EYS: variants seen among roughly 807,000 people sequenced by gnomAD.
The protein encoded by EYS is EGF-like photoreceptor maintenance factor, also known as protein eyes shut homolog.
EYS carries 250 observed loss-of-function variants against 282.1 expected under a neutral mutation model. The ratio of observed to expected loss-of-function variants is 0.89; its 90% CI spans 0.80 to 0.98. The LOEUF (loss-of-function observed/expected upper bound fraction) is 0.98. Ranked by LOEUF, EYS falls within the 50% of genes least tolerant of loss-of-function variation. The pLI, the probability that EYS is intolerant of heterozygous loss-of-function variation, is 0.00. For missense variants in EYS, 4,016 were observed against 3,709.0 expected, an observed-to-expected ratio of 1.08 and a Z score of -2.15; for synonymous variants, 1,355 against 1,282.9, an observed-to-expected ratio of 1.06 and a Z score of -1.20.
At chr6:63,968,880 C>T (rs1341748285) in intron 35 of EYS, among the ~76,000 whole-genome samples, 1 of 152,094 alleles carries the variant, frequency 6.6e-6, no homozygotes, top group Non-Finnish European at 1.5e-5. Flanking sequence ...TAATGCAAAT[C>T]CAAAAGGAGA....
chr6:63,873,453 A>C (rs535626790), intron 35 of EYS, among the ~76,000 whole-genome samples: 78 of 152,192 alleles, frequency 5.1e-4, no homozygotes, highest in African/African-American at 1.8e-3. Flanking sequence ...AATAGTGCTG[A>C]AATAAACATA....
At chr6:64,842,399 G>T (rs1030833695) in intron 19 of EYS, among the ~76,000 whole-genome samples, 2 of 151,706 alleles carry the variant, frequency 1.3e-5, no homozygotes, top group African/African-American at 4.8e-5. Context: ...CCATAATTCC[G>T]TGTTGTGGGA....
At chr6:64,762,175 A>C (rs1286086681) in intron 22 of EYS, among the ~76,000 whole-genome samples, 2 of 152,212 alleles carry the variant, frequency 1.3e-5, no homozygotes, top group African/African-American at 4.8e-5. Flanking sequence ...AGACCATATA[A>C]AATTAGTAGC....
intron 29 of EYS, among the ~76,000 whole-genome samples, chr6:64,334,515 T>C (rs1233624864): frequency 3.9e-5 from 6 of 152,150 alleles, no homozygotes; most frequent in Non-Finnish European, 7.3e-5. Context: ...TCAAATACTA[T>C]GGACTGGCCA....
chr6:65,257,970 A>C (rs1767515934), intron 12 of EYS, among the ~76,000 whole-genome samples: 1 of 152,028 alleles, frequency 6.6e-6, no homozygotes, highest in South Asian at 2.1e-4. Context: ...ATTATTGTAC[A>C]TTTTATAAAA....
chr6:64,278,247 A>G (rs1357352388), intron 30 of EYS, among the ~76,000 whole-genome samples: 1 of 152,186 alleles, frequency 6.6e-6, no homozygotes, highest in African/African-American at 2.4e-5. Flanking sequence ...GTAACTGCTA[A>G]ATGTTCCTTT....
intron 37 of EYS, among the ~76,000 whole-genome samples, chr6:63,796,537 C>T (rs1369253204): frequency 6.6e-6 from 1 of 152,026 alleles, no homozygotes; most frequent in African/African-American, 2.4e-5. Flanking sequence ...GAAGGAAAGA[C>T]TTAATAGTAA....
intron 22 of EYS, among the ~76,000 whole-genome samples, chr6:64,667,518 T>A (rs1769275285): frequency 6.6e-6 from 1 of 151,890 alleles, no homozygotes; most frequent in Non-Finnish European, 1.5e-5. Flanking sequence ...TATGACTTTT[T>A]TTTTTGCTAT....
At chr6:64,803,439 GGGT>G in intron 22 of EYS, among the ~76,000 whole-genome samples, 1 of 152,086 alleles carries the variant, frequency 6.6e-6, no homozygotes, top group African/African-American at 2.4e-5. Flanking sequence ...GGCCATGGTT[GGGT>G]CTGGAAAAAG....
chr6:65,437,385 G>A (rs1768115067), intron 5 of EYS, among the ~76,000 whole-genome samples: 1 of 152,074 alleles, frequency 6.6e-6, no homozygotes, highest in Non-Finnish European at 1.5e-5. Context: ...TTAACTCTTA[G>A]ATGATAGTTG....
chr6:64,689,508 C>T (rs1355016935), intron 22 of EYS, among the ~76,000 whole-genome samples: 5 of 152,090 alleles, frequency 3.3e-5, no homozygotes, highest in East Asian at 1.9e-4. Flanking sequence ...AAGAAGAGCC[C>T]GCATTGCCAA....
chr6:65,218,283 T>C (rs1350318516), intron 12 of EYS, among the ~76,000 whole-genome samples: 1 of 152,144 alleles, frequency 6.6e-6, no homozygotes, highest in Non-Finnish European at 1.5e-5. Context: ...CTGATAGGGA[T>C]ACATAAGACC....
chr6:65,599,185 G>A (rs1460809629), intron 2 of EYS, among the ~76,000 whole-genome samples: 1 of 152,008 alleles, frequency 6.6e-6, no homozygotes, highest in Non-Finnish European at 1.5e-5. Context: ...AGATGAATGT[G>A]AATGAGGAAC....
chr6:64,928,831 T>C (rs1768603296), intron 15 of EYS, among the ~76,000 whole-genome samples: 1 of 152,138 alleles, frequency 6.6e-6, no homozygotes, highest in Admixed American at 6.5e-5. Flanking sequence ...AATGATTTTT[T>C]TCTAACTACA....
intron 35 of EYS, among the ~76,000 whole-genome samples, chr6:63,972,571 T>C (rs1197966552): frequency 1.3e-5 from 2 of 152,090 alleles, no homozygotes; most frequent in Non-Finnish European, 2.9e-5. Flanking sequence ...TTTAAGTTCC[T>C]GGATACATGT....
chr6:65,226,893 T>C, intron 12 of EYS, among the ~76,000 whole-genome samples: 1 of 152,080 alleles, frequency 6.6e-6, no homozygotes, highest in East Asian at 1.9e-4. Context: ...GGATGATAAA[T>C]AGACAAAATG....
At position 63,911,575 on chromosome 6, in the gene EYS, C is replaced by T. The variant is rs10455450; in HGVS notation, c.7056-47217G>A. On this transcript the variant is annotated intron_variant, in intron 35 of 42. Coordinates refer to ENST00000503581, the MANE Select transcript of EYS (RefSeq NM_001142800.2). ...ATATTTTACATCATAATTGATAATCCTTGAGCAATGAAACTAAAAATTATC... is the reference window on the plus strand; with the variant it reads ...ATATTTTACATCATAATTGATAATCTTTGAGCAATGAAACTAAAAATTATC... Among the ~76,000 whole-genome samples the T allele has an allele frequency of 4.5e-3, 686 of 152,254 alleles. 4 individuals are homozygous for T. The highest frequency in any genetic ancestry group is 8.1e-3 in the Non-Finnish European group (551 of 68,012).
At chr6:63,787,800 G>A (rs1216071452) in intron 39 of EYS, among the ~76,000 whole-genome samples, 1 of 152,062 alleles carries the variant, frequency 6.6e-6, no homozygotes, top group African/African-American at 2.4e-5. Context: ...TTAGCTGGGC[G>A]TGGTTGTGCA....
At chr6:64,125,526 C>G (rs1357060591) in intron 31 of EYS, among the ~76,000 whole-genome samples, 1 of 151,758 alleles carries the variant, frequency 6.6e-6, no homozygotes, top group Admixed American at 6.6e-5. Context: ...CACGCCTGGC[C>G]TGTAATCCCA....
Sources: gnomAD v4.1 joint callset for allele counts (sites outside exome capture counted in the v4.1 genomes callset) on GRCh38, gnomAD v4.1.1 for gene constraint, MANE v1.5 for transcripts, NCBI Gene and HGNC (gene_info 2026-07-23, HGNC 2026-07-21) for gene names.